The following RAD54B variants were observed in gnomAD, a reference collection of about 807,000 sequenced individuals.
The protein encoded by RAD54B is RAD54 homolog B, also known as DNA repair and recombination protein RAD54B.
Under a neutral mutation model 95.8 loss-of-function variants are expected in RAD54B, and 78 were observed. The observed-to-expected ratio is 0.81, with a 90% CI of 0.68 to 0.98. The LOEUF is 0.98. Ranked by LOEUF, RAD54B falls within the 50% of genes least tolerant of loss-of-function variation. RAD54B has a pLI of 0.00. For synonymous variants in RAD54B, 328 were observed against 354.9 expected (o/e 0.92, Z 0.85); for missense variants, 957 against 1,056.6 (o/e 0.91, Z 1.31).
At position 94,378,329 on chromosome 8, in the gene RAD54B, C is replaced by T; in HGVS notation, c.2366G>A (p.Cys789Tyr). 1 of 1,614,024 alleles carries T rather than the reference C, an allele frequency of 6.2e-7. No individual in the cohort carries two copies. Among genetic ancestry groups the T allele is most frequent in the Middle Eastern group, 1.7e-4 (1 of 6,056 alleles). ...YQRQISKQGL[C>Y]GAVVDLTKTS... ...CTTGGTGAGGTCGACAACTGCCCCA[C>T]AAAGACCTTGCTTACTGATCTGCCT... Residue 789 changes from cysteine (C) to tyrosine (Y), a missense_variant, in exon 14 of 15, where the codon TGT (cysteine) becomes TAT (tyrosine). By Grantham distance (194) the Cys-to-Tyr change is radical (BLOSUM62 -2). Transcript: ENST00000336148.
chr8:94,409,527 C>T (rs1332312299), intron 4 of RAD54B, among the ~76,000 whole-genome samples: 2 of 151,944 alleles, frequency 1.3e-5, no homozygotes, highest in Non-Finnish European at 2.9e-5. Flanking sequence ...CATGCCACTA[C>T]ACCTGGTTAA....
intron 12 of RAD54B, 106 bp downstream of exon 12, chr8:94,380,039 C>T: frequency 7.8e-7 from 1 of 1,278,342 alleles, no homozygotes; most frequent in African/African-American, 1.5e-5. Context: ...AAAATAAGGG[C>T]TCTTTATGCA....
At chr8:94,431,590 T>C in intron 3 of RAD54B, 1 of 918,412 alleles carries the variant, frequency 1.1e-6, no homozygotes. Flanking sequence ...GAGTTCTCCC[T>C]GGACCTGTTT....
chr8:94,377,833 G>A (rs1160021146), intron 14 of RAD54B, among the ~76,000 whole-genome samples: 5 of 145,878 alleles, frequency 3.4e-5, no homozygotes, highest in South Asian at 2.2e-4. Flanking sequence ...AAAATTAGCC[G>A]GGCGTGGTAG....
intron 2 of RAD54B, among the ~76,000 whole-genome samples, chr8:94,461,515 C>CA (rs1011674619): frequency 8.1e-5 from 12 of 149,002 alleles, no homozygotes; most frequent in East Asian, 2.0e-4. Context: ...ATAAATTTTC[C>CA]AAAAAAAAAC....
rs919230210 is a variant in RAD54B at position 94,427,979 on chromosome 8, A to AAG, written c.305-16666_305-16665dup. ...CAAGTTAATATCTCATCATACACAA[A>AAG]AGAAAAATACTTGACTATTTTAAGA... is the stretch of plus-strand genomic sequence containing the variant. On this transcript the variant is annotated intron_variant, in intron 3 of 14. Transcript: ENST00000336148. 1.3e-5 allele frequency: 12 copies of AAG among 923,498 alleles called. No individual in the cohort carries two copies. The African/African-American group carries it at 1.8e-4, about 14-fold the overall frequency. The allele number at this position is 923,498 out of a possible 1,614,324, so 57.2% of individuals were successfully genotyped here. A position where few individuals can be genotyped will look rare whatever the true frequency, so the allele number is the denominator to read the frequency against.
Position 94,386,992 on chromosome 8 carries a change from A to C in RAD54B, c.1977T>G (p.Pro659=), listed in dbSNP as rs763638501. ...TGTTAAATCGATCTTACTTTTCAGT[A>C]GGTCGAAGTTCGTGGATAACCGCTA... ...KLLAVIHELR[P]TEKVVLVSNY... The change falls in exon 11 of 15, where the codon CCT becomes CCG. Residue 659 remains proline, a synonymous_variant. Coordinates refer to ENST00000336148, the MANE Select transcript of RAD54B (RefSeq NM_012415.3). The C allele has an allele frequency of 6.3e-7, 1 of 1,592,432 alleles. No individual in the cohort carries two copies. Among genetic ancestry groups the C allele is most frequent in the South Asian group, 1.2e-5 (1 of 86,104 alleles).
At chr8:94,399,998 AT>A (rs1355134990) in intron 7 of RAD54B, among the ~76,000 whole-genome samples, 1 of 152,114 alleles carries the variant, frequency 6.6e-6, no homozygotes, top group Non-Finnish European at 1.5e-5. Context: ...TCACGACCTC[AT>A]TTAAACCTAA....
chr8:94,373,927 G>A (rs1810501868), intron 14 of RAD54B, among the ~76,000 whole-genome samples: 2 of 152,146 alleles, frequency 1.3e-5, no homozygotes, highest in East Asian at 3.8e-4. Context: ...AAAGCCTCAA[G>A]TCATTCCTTA....
At chr8:94,385,853 C>A (rs1810877745) in intron 11 of RAD54B, among the ~76,000 whole-genome samples, 1 of 152,204 alleles carries the variant, frequency 6.6e-6, no homozygotes, top group South Asian at 2.1e-4. Flanking sequence ...GGGCAAATTA[C>A]AGGCTCTGCA....
chr8:94,456,171 G>A (rs1260010362), intron 3 of RAD54B, among the ~76,000 whole-genome samples: 1 of 152,148 alleles, frequency 6.6e-6, no homozygotes, highest in African/African-American at 2.4e-5. Context: ...CTAAGCTTTG[G>A]GGGAAGTCAT....
At chr8:94,434,680 TA>T (rs1412584791) in intron 3 of RAD54B, among the ~76,000 whole-genome samples, 3 of 151,570 alleles carry the variant, frequency 2.0e-5, no homozygotes, top group Non-Finnish European at 4.4e-5. Context: ...ATCAATCAAA[TA>T]AATATAAGCA....
At chr8:94,440,148 T>C (rs1246878803) in intron 3 of RAD54B, among the ~76,000 whole-genome samples, 2 of 151,876 alleles carry the variant, frequency 1.3e-5, no homozygotes, top group African/African-American at 2.4e-5. Flanking sequence ...TGAGAATGTA[T>C]GGTTTACAGA....
chr8:94,407,660 C>T lies in RAD54B; in HGVS notation c.560G>A (p.Cys187Tyr), dbSNP rs1048467257. Residue 187 changes from cysteine to tyrosine, a missense_variant, in exon 5 of 15, where the codon TGT (cysteine) becomes TAT (tyrosine). Cys to Tyr is a radical substitution (Grantham distance 194, BLOSUM62 -2). Coordinates refer to ENST00000336148, the MANE Select transcript of RAD54B (RefSeq NM_012415.3). ...ACCCATGACTTCTATTTCTTTTCCACAAATCATCAGTGTTTGGCCCTCTTC... is the reference window on the plus strand; with the variant it reads ...ACCCATGACTTCTATTTCTTTTCCATAAATCATCAGTGTTTGGCCCTCTTC... ...KIEEGQTLMI[C>Y]GKEIEVMGVI... 1 of 1,613,974 alleles carries T rather than the reference C, an allele frequency of 6.2e-7. No individual in the cohort carries two copies. Among genetic ancestry groups the T allele is most frequent in the South Asian group, 1.1e-5 (1 of 91,078 alleles).
chr8:94,452,137 C>G (rs1455799321), intron 3 of RAD54B, among the ~76,000 whole-genome samples: 1 of 152,218 alleles, frequency 6.6e-6, no homozygotes, highest in Non-Finnish European at 1.5e-5. Context: ...GCCTGTTTCA[C>G]AGAGGAAATA....
intron 5 of RAD54B, among the ~76,000 whole-genome samples, chr8:94,405,056 T>G (rs1811353421): frequency 6.6e-6 from 1 of 152,054 alleles, no homozygotes; most frequent in Non-Finnish European, 1.5e-5. Context: ...TCAAGTGATC[T>G]GCCCACCTCA....
intron 10 of RAD54B, among the ~76,000 whole-genome samples, chr8:94,390,198 TA>T (rs201441992): frequency 1.3e-5 from 2 of 150,304 alleles, no homozygotes; most frequent in East Asian, 1.9e-4. Flanking sequence ...TAAATATTTT[TA>T]AAAAAAATAA....
At chr8:94,386,867 AAAG>A (rs1363815186) in intron 11 of RAD54B, 114 bp downstream of exon 11, 24 of 739,540 alleles carry the variant, frequency 3.2e-5, no homozygotes, top group Non-Finnish European at 4.1e-5. Context: ...CCATATTCCC[AAAG>A]AAGAAAATAA....
At chr8:94,410,924 C>T (rs1811512355) in intron 4 of RAD54B, among the ~76,000 whole-genome samples, 197 bp downstream of exon 4, 1 of 152,046 alleles carries the variant, frequency 6.6e-6, no homozygotes, top group African/African-American at 2.4e-5. Flanking sequence ...CTTCACTGAG[C>T]TAGCATAAAC....
Sources: gnomAD v4.1 joint callset for allele counts (sites outside exome capture counted in the v4.1 genomes callset) on GRCh38, gnomAD v4.1.1 for gene constraint, MANE v1.5 for transcripts, NCBI Gene and HGNC (gene_info 2026-07-23, HGNC 2026-07-21) for gene names.